LAMA2: variants seen among roughly 807,000 people sequenced by gnomAD.
LAMA2 encodes laminin subunit alpha 2, also known as laminin subunit alpha-2.
A neutral mutation model predicts 364.8 loss-of-function variants in LAMA2; 269 were observed. That is an observed-to-expected ratio of 0.74 (90% CI 0.67 to 0.82). The LOEUF is 0.82. Among genes scored for constraint, LAMA2 ranks in the 40% least tolerant of loss-of-function variants. The pLI is 0.00. For missense variants in LAMA2, 3,807 were observed against 3,873.2 expected (o/e 0.98, Z 0.45); for synonymous variants, 1,379 against 1,370.6 (o/e 1.01, Z -0.14).
chr6:129,271,864 A>G (rs1787963637), intron 17 of LAMA2, among the ~76,000 whole-genome samples: 1 of 152,118 alleles, frequency 6.6e-6, no homozygotes, highest in African/African-American at 2.4e-5. Flanking sequence ...TCATACTTCA[A>G]ACTCTTACCC....
At chr6:129,051,817 A>G (rs1788061434) in intron 2 of LAMA2, among the ~76,000 whole-genome samples, 2 of 151,784 alleles carry the variant, frequency 1.3e-5, no homozygotes, top group South Asian at 4.2e-4. Context: ...GGAAACCACC[A>G]TTGGTTCAGA....
intron 9 of LAMA2, among the ~76,000 whole-genome samples, chr6:129,174,741 A>G (rs538756871): frequency 4.6e-5 from 7 of 152,284 alleles, no homozygotes; most frequent in African/African-American, 7.2e-5. Context: ...CTAGAAGTCA[A>G]TTTTGTAGTT....
rs536335337 is a variant in LAMA2 at position 129,191,489 on chromosome 6, G to T, written c.1608+1144G>T. ...CACCCTCCAGACTGCCCCACTGATA[G>T]ATCAAAGTTTCATAGCCAGCCAAGG... On this transcript the variant is annotated intron_variant, in intron 11 of 64. Coordinates refer to ENST00000421865, the MANE Select transcript of LAMA2 (RefSeq NM_000426.4). Among the ~76,000 whole-genome samples the T allele has an allele frequency of 3.9e-5, 6 of 152,240 alleles. No homozygotes were observed. In the South Asian group the frequency reaches 1.2e-3, roughly 32 times the overall value.
Position 129,349,284 on chromosome 6 carries a change from T to G in LAMA2, c.4437-14T>G. 6.2e-7 allele frequency: 1 copy of G among 1,609,808 alleles called. No homozygotes were observed. Among genetic ancestry groups the G allele is most frequent in the Non-Finnish European group, 8.5e-7 (1 of 1,176,224 alleles). On this transcript the variant is annotated splice_polypyrimidine_tract_variant and intron_variant, in intron 30 of 64. Coordinates refer to ENST00000421865, the MANE Select transcript of LAMA2 (RefSeq NM_000426.4). ...GATTAAACTTTTTTTGCAATCCTTTTCTTTCTGATTCAGTTTCAGCCCCTC... is the reference window on the plus strand; with the variant it reads ...GATTAAACTTTTTTTGCAATCCTTTGCTTTCTGATTCAGTTTCAGCCCCTC...
chr6:129,097,094 C>A (rs72988969), intron 3 of LAMA2, among the ~76,000 whole-genome samples: 81 of 152,314 alleles, frequency 5.3e-4, no homozygotes, highest in Non-Finnish European at 1.1e-3. Flanking sequence ...TGTGCCCCAC[C>A]AGTGACCTCA....
chr6:128,883,339 C>A lies in LAMA2; in HGVS notation c.94C>A (p.Gln32Lys). The A allele has an allele frequency of 6.3e-7, 1 of 1,598,478 alleles. No homozygotes were observed. Among genetic ancestry groups the A allele is most frequent in the Non-Finnish European group, 8.5e-7 (1 of 1,172,812 alleles). ...GCGGCCGCAGCAGCAGCGGCAGTCA[C>A]AGGCACATCAGCAAAGAGGTACAGT... ...AQRPQQQRQS[Q>K]AHQQRGLFPA... The change falls in exon 1 of 65, where the codon CAG becomes AAG. Residue 32 changes from glutamine to lysine, a missense_variant. Around this residue, in one of 3 missense-constraint regions of LAMA2, gnomAD observed 394 missense variants for 403.5 expected, o/e 0.98. Transcript: ENST00000421865.
intron 64 of LAMA2, among the ~76,000 whole-genome samples, chr6:129,515,400 A>AC (rs1786970497): frequency 6.6e-6 from 1 of 152,232 alleles, no homozygotes; most frequent in East Asian, 1.9e-4. Flanking sequence ...TGTGTTTTAA[A>AC]AAGATCTTTT....
intron 4 of LAMA2, among the ~76,000 whole-genome samples, chr6:129,114,803 C>A (rs78687487): frequency 1.3e-5 from 2 of 151,952 alleles, no homozygotes; most frequent in East Asian, 3.9e-4. Flanking sequence ...TATGTATGGT[C>A]TTCCATGCAG....
chr6:129,317,623 G>A (rs9321160), intron 27 of LAMA2, among the ~76,000 whole-genome samples: 13,934 of 151,950 alleles, frequency 0.092, 958 homozygotes, highest in African/African-American at 0.19. Context: ...CTTAAAAAAC[G>A]CTGTTATCTA....
intron 30 of LAMA2, among the ~76,000 whole-genome samples, chr6:129,348,385 A>C (rs975400613): frequency 5.9e-5 from 9 of 152,328 alleles, no homozygotes; most frequent in East Asian, 3.9e-4. Context: ...AGCAGCAAAA[A>C]GAAAAATGGT....
chr6:129,096,851 A>G (rs1583035167), intron 3 of LAMA2, among the ~76,000 whole-genome samples: 1 of 152,304 alleles, frequency 6.6e-6, no homozygotes, highest in East Asian at 1.9e-4. Context: ...ATTCAAGTAA[A>G]CATCTTGAAG....
chr6:129,212,508 A>T (rs1350456518), intron 12 of LAMA2, among the ~76,000 whole-genome samples: 1 of 152,138 alleles, frequency 6.6e-6, no homozygotes, highest in Non-Finnish European at 1.5e-5. Context: ...ACCCTGAAAG[A>T]TTAAGTCACT....
intron 60 of LAMA2, 151 bp downstream of exon 60, chr6:129,503,431 T>C: frequency 9.3e-6 from 7 of 751,508 alleles, no homozygotes; most frequent in Non-Finnish European, 1.6e-5. Context: ...ACTACCACAA[T>C]CTTGGAAAAT....
intron 58 of LAMA2, among the ~76,000 whole-genome samples, chr6:129,501,316 T>C (rs776885916): frequency 6.6e-6 from 1 of 152,206 alleles, no homozygotes; most frequent in Non-Finnish European, 1.5e-5. Context: ...CATTTTCCTG[T>C]CCTACCCACG....
chr6:129,203,286 T>A (rs946588881), intron 12 of LAMA2, among the ~76,000 whole-genome samples: 3 of 152,242 alleles, frequency 2.0e-5, no homozygotes, highest in African/African-American at 7.2e-5. Context: ...ATGTTCTATG[T>A]GCGGCTCAGT....
intron 62 of LAMA2, among the ~76,000 whole-genome samples, chr6:129,510,671 G>A (rs1786501429): frequency 6.6e-6 from 1 of 152,064 alleles, no homozygotes; most frequent in Non-Finnish European, 1.5e-5. Context: ...CAGTTCTGTA[G>A]ATACTTAGAA....
At chr6:129,510,368 A>T (rs2114922768) in intron 62 of LAMA2, among the ~76,000 whole-genome samples, 1 of 152,304 alleles carries the variant, frequency 6.6e-6, no homozygotes, top group East Asian at 1.9e-4. Context: ...CAGTAGCTAC[A>T]AATAAAATAA....
intron 29 of LAMA2, among the ~76,000 whole-genome samples, chr6:129,332,279 A>G (rs569155107): frequency 1.3e-5 from 2 of 152,318 alleles, no homozygotes; most frequent in South Asian, 2.1e-4. Context: ...CCCTTGATAC[A>G]TTATTGTATC....
chr6:129,085,681 T>G (rs1244340023), intron 3 of LAMA2, among the ~76,000 whole-genome samples: 1 of 152,184 alleles, frequency 6.6e-6, no homozygotes, highest in Non-Finnish European at 1.5e-5. Context: ...CTAAGGACTG[T>G]GAGTTCCACG....
Sources: gnomAD v4.1 joint callset for allele counts (sites outside exome capture counted in the v4.1 genomes callset) on GRCh38, gnomAD v4.1.1 for gene constraint, gnomAD v4.1.1 regional missense constraint, MANE v1.5 for transcripts, NCBI Gene and HGNC (gene_info 2026-07-23, HGNC 2026-07-21) for gene names.